The following SMYD3 variants were observed in gnomAD, a reference collection of about 807,000 sequenced individuals.
SMYD3 encodes SET and MYND domain containing 3.
In SMYD3, 36 loss-of-function variants were observed where a neutral mutation model predicts 57.7. That is an observed-to-expected ratio of 0.62 (90% CI 0.48 to 0.82). The LOEUF (loss-of-function observed/expected upper bound fraction) is 0.82. Ranked by LOEUF, SMYD3 falls within the 40% of genes least tolerant of loss-of-function variation. The pLI, the probability that SMYD3 is intolerant of heterozygous loss-of-function variation, is 0.00. For missense variants in SMYD3, 515 were observed against 538.8 expected (o/e 0.96, Z 0.44); for synonymous variants, 211 against 195.0 (o/e 1.08, Z -0.68).
chr1:245,967,307 T>C (rs1421813118), intron 5 of SMYD3, among the ~76,000 whole-genome samples: 2 of 152,216 alleles, frequency 1.3e-5, no homozygotes, highest in African/African-American at 2.4e-5. Context: ...TATTTTCTAT[T>C]TGTCTTTAAA....
At position 245,786,093 on chromosome 1, in the gene SMYD3, T is replaced by TA. The variant is rs1553321265; in HGVS notation, c.1077-21945dup. Among the ~76,000 whole-genome samples, 1,066 of 140,210 alleles carry TA rather than the reference T, an allele frequency of 7.6e-3. 17 individuals are homozygous for TA. Among genetic ancestry groups the TA allele is most frequent in the African/African-American group, 0.026 (955 of 36,308 alleles). The allele number at this position is 140,210 out of a possible 152,430, so 92.0% of individuals were successfully genotyped here. On this transcript the variant is annotated intron_variant, in intron 10 of 11. Coordinates refer to ENST00000490107, the MANE Select transcript of SMYD3 (RefSeq NM_001167740.2). ...AAGTTTTGCTTTTTTTTTTTTTTTT[T>TA]AAAAAGCAATCACTCTTGGAGATAC...
chr1:246,083,490 G>A (rs2060674850), intron 5 of SMYD3, among the ~76,000 whole-genome samples: 1 of 48,486 alleles, frequency 2.1e-5, no homozygotes, highest in African/African-American at 6.7e-5. Flanking sequence ...AAATACTGAG[G>A]GAACTCAGAG....
intron 5 of SMYD3, among the ~76,000 whole-genome samples, chr1:246,085,028 G>A (rs369891862): frequency 2.6e-5 from 4 of 152,284 alleles, no homozygotes; most frequent in East Asian, 1.9e-4. Flanking sequence ...TGTACCTCCT[G>A]TGTTTTACTC....
At chr1:246,499,835 TAAAC>T (rs2068430046) in intron 1 of SMYD3, among the ~76,000 whole-genome samples, 1 of 150,214 alleles carries the variant, frequency 6.7e-6, no homozygotes, top group African/African-American at 2.5e-5. Flanking sequence ...AAAACCCACA[TAAAC>T]AAAACATCAT....
chr1:246,361,685 T>G (rs2065989266), intron 1 of SMYD3, among the ~76,000 whole-genome samples: 1 of 152,104 alleles, frequency 6.6e-6, no homozygotes, highest in Non-Finnish European at 1.5e-5. Flanking sequence ...CTAAGTAAAG[T>G]AACTCAGGAA....
At chr1:246,248,171 A>G (rs1396320825) in intron 5 of SMYD3, among the ~76,000 whole-genome samples, 2 of 152,192 alleles carry the variant, frequency 1.3e-5, no homozygotes, top group Non-Finnish European at 2.9e-5. Context: ...TAAAACTGAA[A>G]AGCAACCGTA....
chr1:245,824,211 C>A (rs1212884239), intron 10 of SMYD3, among the ~76,000 whole-genome samples: 1 of 152,218 alleles, frequency 6.6e-6, no homozygotes, highest in East Asian at 1.9e-4. Flanking sequence ...TCAAAATTAT[C>A]TTTGCACACA....
chr1:246,123,567 TC>T (rs1454418480), intron 5 of SMYD3, among the ~76,000 whole-genome samples: 1 of 125,734 alleles, frequency 8.0e-6, no homozygotes, highest in Non-Finnish European at 1.7e-5. Flanking sequence ...AGACTCCATC[TC>T]AAAACACACA....
chr1:245,761,006 T>C (rs960175486), intron 11 of SMYD3, among the ~76,000 whole-genome samples: 2 of 152,180 alleles, frequency 1.3e-5, no homozygotes, highest in Non-Finnish European at 2.9e-5. Context: ...TTAACGCAAA[T>C]GGTGGGACTG....
chr1:246,103,645 C>T (rs2061060920), intron 5 of SMYD3, among the ~76,000 whole-genome samples: 1 of 152,160 alleles, frequency 6.6e-6, no homozygotes, highest in African/African-American at 2.4e-5. Context: ...CTAGTCTCTC[C>T]CTTTCATAAC....
chr1:246,228,776 A>ACCTGC (rs2063368132), intron 5 of SMYD3, among the ~76,000 whole-genome samples: 1 of 152,006 alleles, frequency 6.6e-6, no homozygotes, highest in South Asian at 2.1e-4. Context: ...AAAAAATTAA[A>ACCTGC]CCTCCATCAT....
chr1:246,152,532 T>C (rs1275468816), intron 5 of SMYD3, among the ~76,000 whole-genome samples: 1 of 152,232 alleles, frequency 6.6e-6, no homozygotes, highest in Non-Finnish European at 1.5e-5. Context: ...ACCAATATTC[T>C]CCATACACTT....
In SMYD3 at chr1:246,359,430, T is replaced by C. The variant is rs370184904; in HGVS notation, c.165-4336A>G. ...ATCCTATTGACACTATTCCAGAGGA[T>C]AGAGAAAAAGGGAATCCTCCTTAAA... On this transcript the variant is annotated intron_variant, in intron 1 of 11. Coordinates refer to ENST00000490107, the MANE Select transcript of SMYD3 (RefSeq NM_001167740.2). Among the ~76,000 whole-genome samples, 12 of 152,248 alleles carry C rather than the reference T, an allele frequency of 7.9e-5. No individual in the cohort carries two copies. In the East Asian group the frequency reaches 9.6e-4, roughly 12 times the overall value.
intron 5 of SMYD3, among the ~76,000 whole-genome samples, chr1:245,980,595 T>C (rs2058572082): frequency 6.6e-6 from 1 of 152,214 alleles, no homozygotes; most frequent in Admixed American, 6.5e-5. Context: ...CAAATTAGGG[T>C]GATGCTTCCT....
At chr1:245,958,369 C>G (rs2057911157) in intron 5 of SMYD3, among the ~76,000 whole-genome samples, 1 of 152,184 alleles carries the variant, frequency 6.6e-6, no homozygotes, top group East Asian at 1.9e-4. Flanking sequence ...CTCACCCTTC[C>G]TCTCATCACC....
chr1:245,751,254 G>A (rs773908864), intron 11 of SMYD3, among the ~76,000 whole-genome samples: 1 of 152,108 alleles, frequency 6.6e-6, no homozygotes, highest in Non-Finnish European at 1.5e-5. Flanking sequence ...AATTGCTAGG[G>A]GTGGAATTCT....
At chr1:246,085,635 A>G (rs1444085831) in intron 5 of SMYD3, among the ~76,000 whole-genome samples, 1 of 152,158 alleles carries the variant, frequency 6.6e-6, no homozygotes, top group Non-Finnish European at 1.5e-5. Context: ...GCTTTGTCCT[A>G]TCACATTTCT....
chr1:246,077,541 AAAAG>A (rs1010543218), intron 5 of SMYD3, among the ~76,000 whole-genome samples: 1 of 151,954 alleles, frequency 6.6e-6, no homozygotes, highest in Non-Finnish European at 1.5e-5. Flanking sequence ...AAATTTAAAA[AAAAG>A]AGAGAAGAGG....
intron 5 of SMYD3, among the ~76,000 whole-genome samples, chr1:246,174,228 C>G (rs2148258557): frequency 6.6e-6 from 1 of 152,222 alleles, no homozygotes; most frequent in Middle Eastern, 3.4e-3. Context: ...ATATATGGCA[C>G]AGAATTACAT....
Sources: gnomAD v4.1 joint callset for allele counts (sites outside exome capture counted in the v4.1 genomes callset) on GRCh38, gnomAD v4.1.1 for gene constraint, MANE v1.5 for transcripts, NCBI Gene and HGNC (gene_info 2026-07-23, HGNC 2026-07-21) for gene names.